ABCA3: variants seen among roughly 807,000 people sequenced by gnomAD.
The protein encoded by ABCA3 is phospholipid-transporting ATPase ABCA3.
In ABCA3, 88 loss-of-function variants were observed where a neutral mutation model predicts 172.8. The observed-to-expected ratio is 0.51, with a 90% CI of 0.43 to 0.61. The LOEUF (loss-of-function observed/expected upper bound fraction) is 0.61, where lower values mean the gene tolerates loss of function less well. Ranked by LOEUF, ABCA3 falls within the 20% of genes least tolerant of loss-of-function variation. The probability of loss-of-function intolerance (pLI) is 0.00; values close to 1 mark genes in which losing one functional copy is unlikely to be tolerated. For missense variants in ABCA3, 2,164 were observed against 2,301.0 expected (o/e 0.94, Z 1.22); for synonymous variants, 1,066 against 983.8 (o/e 1.08, Z -1.56).
Position 2,319,628 on chromosome 16 carries a change from G to A in ABCA3, c.826C>T (p.Leu276Phe). ...TGCACGACAGCACGGGCAATGGTGAGCGCGGTGTAGGTGAAGCTGAGCAGC... is the reference window on the plus strand; with the variant it reads ...TGCACGACAGCACGGGCAATGGTGAACGCGGTGTAGGTGAAGCTGAGCAGC... Reference protein sequence around the residue: ...LLLLSFTYTALTIARAVVQEK... With the variant: ...LLLLSFTYTAFTIARAVVQEK... Residue 276 changes from leucine to phenylalanine, a missense_variant, in exon 8 of 33, where the codon CTC (leucine) becomes TTC (phenylalanine). Physicochemically the swap from Leu to Phe is conservative, Grantham distance 22. Around this residue, in one of 3 missense-constraint regions of ABCA3, gnomAD observed 1,343 missense variants for 1,369.6 expected, o/e 0.98. Coordinates refer to ENST00000301732, the MANE Select transcript of ABCA3 (RefSeq NM_001089.3). 1.9e-6 allele frequency: 3 copies of A among 1,613,552 alleles called. No homozygotes were observed. Among genetic ancestry groups the A allele is most frequent in the Non-Finnish European group, 2.5e-6 (3 of 1,180,028 alleles).
chr16:2,318,033 G>C (rs1213040476), intron 8 of ABCA3, among the ~76,000 whole-genome samples: 1 of 152,222 alleles, frequency 6.6e-6, no homozygotes, highest in Non-Finnish European at 1.5e-5. Flanking sequence ...CACTCCCAGT[G>C]CATGCTCCCC....
intron 1 of ABCA3, chr16:2,339,168 G>C (rs769445731): frequency 1.3e-5 from 2 of 152,296 alleles, no homozygotes; most frequent in Non-Finnish European, 1.5e-5. Flanking sequence ...GGCTGGGGAA[G>C]AAATGGCAAA....
In ABCA3 at chr16:2,308,550, C is replaced by A. The variant is rs1313834914; in HGVS notation, c.1185G>T (p.Arg395=). 2.5e-6 allele frequency: 4 copies of A among 1,614,158 alleles called. No homozygotes were observed. The Admixed American group carries it at 6.7e-5, about 27-fold the overall frequency. Residue 395 remains arginine, a synonymous_variant, in exon 11 of 33, where the codon CGG becomes CGT. Transcript: ENST00000301732. ...TCTGGCTCAGAGTCATCCAGTTGTA[C>A]CGAGGGGCCACGAAGAAGTAGGGGA... ...TYIPYFFVAP[R]YNWMTLSQKL... is the part of the protein sequence containing the mutation.
rs549113736 is a variant in ABCA3, at chr16:2,334,477, T to C, written c.-538-4623A>G. ...CAGTAAATATTTGAAAATGTCTAATTCAATGGATCCTGTGGATGAAATGCC... is the reference window on the plus strand; with the variant it reads ...CAGTAAATATTTGAAAATGTCTAATCCAATGGATCCTGTGGATGAAATGCC... On this transcript the variant is annotated intron_variant, in intron 1 of 32. Coordinates refer to ENST00000301732, the MANE Select transcript of ABCA3 (RefSeq NM_001089.3). 2.0e-5 allele frequency among the ~76,000 whole-genome samples: 3 copies of C among 152,154 alleles called. No individual in the cohort carries two copies. The East Asian group carries it at 5.8e-4, about 29-fold the overall frequency.
Position 2,285,596 on chromosome 16 carries a change from A to G in ABCA3, c.3329T>C (p.Phe1110Ser), listed in dbSNP as rs749012839. ...IALNLLFAMA[F>S]LASTFSILAV... ...CAGGATGGAGAACGTGCTGGCCAAG[A>G]ATGCCATGGCGAAGAGCAGGTTGAG... Residue 1110 changes from phenylalanine to serine, a missense_variant, in exon 23 of 33, where the codon TTC becomes TCC. By Grantham distance (155) the Phe-to-Ser change is radical. Coordinates refer to ENST00000301732, the MANE Select transcript of ABCA3 (RefSeq NM_001089.3). This position sits in a 1 kb window ranked among gnomAD's most constrained non-coding sequence, Gnocchi z 4.7. 5 of 1,560,374 alleles carry G rather than the reference A, an allele frequency of 3.2e-6. No individual in the cohort carries two copies. Among genetic ancestry groups the G allele is most frequent in the Non-Finnish European group, 3.5e-6 (4 of 1,151,700 alleles).
chr16:2,306,257 C>T (rs888859758), intron 11 of ABCA3, among the ~76,000 whole-genome samples: 4 of 151,764 alleles, frequency 2.6e-5, no homozygotes, highest in Admixed American at 1.3e-4. Flanking sequence ...CCTGGGAGGT[C>T]GAGGCTACAG....
chr16:2,307,468 T>A (rs2093699639), intron 11 of ABCA3, among the ~76,000 whole-genome samples: 1 of 151,718 alleles, frequency 6.6e-6, no homozygotes, highest in Non-Finnish European at 1.5e-5. Context: ...GGTGGGAGGA[T>A]CACTTGAACC....
At chr16:2,316,539 G>T (rs9923983) in intron 10 of ABCA3, among the ~76,000 whole-genome samples, 3 of 129,734 alleles carry the variant, frequency 2.3e-5, no homozygotes, top group Non-Finnish European at 4.8e-5. Context: ...TTAGCCAGGC[G>T]TGGTGGCACA....
Position 2,297,646 on chromosome 16 carries a change from T to C in ABCA3, c.2053-107A>G. ...GGGTTCGCGGAGCCGGCTTGAGTCCTCCAAGGATGGTGATGGCCTTGTCTG... is the reference window on the plus strand; with the variant it reads ...GGGTTCGCGGAGCCGGCTTGAGTCCCCCAAGGATGGTGATGGCCTTGTCTG... On this transcript the variant is annotated intron_variant, in intron 16 of 32. Coordinates refer to ENST00000301732, the MANE Select transcript of ABCA3 (RefSeq NM_001089.3). The surrounding 1 kb of genome is among the most constrained non-coding windows in gnomAD (Gnocchi z 5.6). 6.3e-7 allele frequency: 1 copy of C among 1,589,146 alleles called. No individual in the cohort carries two copies. The highest frequency in any genetic ancestry group is 8.5e-7 in the Non-Finnish European group (1 of 1,171,352).
chr16:2,329,403 T>C (rs1355150806), intron 2 of ABCA3, among the ~76,000 whole-genome samples: 3 of 152,148 alleles, frequency 2.0e-5, no homozygotes, highest in South Asian at 2.1e-4. Context: ...ACACTCCAGA[T>C]GGGCGTGGGG....
chr16:2,318,588 C>G (rs1382694305), intron 8 of ABCA3, among the ~76,000 whole-genome samples: 1 of 151,548 alleles, frequency 6.6e-6, no homozygotes, highest in African/African-American at 2.4e-5. Flanking sequence ...TCTTGGCTCA[C>G]TGCAACCTCC....
At chr16:2,311,328 C>G (rs2093706372) in intron 10 of ABCA3, among the ~76,000 whole-genome samples, 1 of 152,116 alleles carries the variant, frequency 6.6e-6, no homozygotes, top group South Asian at 2.1e-4. Flanking sequence ...TGCCTTCCCA[C>G]AGATATATAG....
chr16:2,279,272 A>C lies in ABCA3; in HGVS notation c.4360-142T>G, dbSNP rs1416129207. The stretch of plus-strand genomic sequence containing the variant: ...CAGTGTGTGTACACGGGGGCGCTGG[A>C]GCTATGCACAGGCCGTGGTGGCTGC... On this transcript the variant is annotated intron_variant, in intron 28 of 32. Transcript: ENST00000301732. This position sits in a 1 kb window ranked among gnomAD's most constrained non-coding sequence, Gnocchi z 4.4. 1.0e-6 allele frequency: 1 copy of C among 956,998 alleles called. No individual in the cohort carries two copies. The highest frequency in any genetic ancestry group is 2.1e-5 in the Admixed American group (1 of 48,128). 59.3% of individuals were successfully genotyped at this position (956,998 alleles called of 1,614,324 possible).
intron 12 of ABCA3, among the ~76,000 whole-genome samples, chr16:2,301,397 A>G (rs981733481): frequency 5.3e-5 from 8 of 152,140 alleles, no homozygotes; most frequent in Admixed American, 2.6e-4. Context: ...TACTTGTGGA[A>G]GCAAAGAATG....
chr16:2,314,795 C>T (rs548058397), intron 10 of ABCA3, among the ~76,000 whole-genome samples: 5 of 151,140 alleles, frequency 3.3e-5, no homozygotes, highest in East Asian at 1.9e-4. Flanking sequence ...AGGCTGGTTT[C>T]GAACTCCCGA....
In ABCA3 at chr16:2,328,560, G is replaced by C. The variant is rs754226597; in HGVS notation, c.-134C>G. 1.4e-5 allele frequency: 7 copies of C among 516,132 alleles called. No individual in the cohort carries two copies. The Admixed American group carries it at 1.4e-4, about 10-fold the overall frequency. 32.0% of individuals were successfully genotyped at this position (516,132 alleles called of 1,614,324 possible). Reference sequence around the variant, plus strand: ...GAGTGTAAAGAGGGCGAGGTGTGCAGACGTGGCTGCTCTGTCCTGGAGAGG... The same window carrying C: ...GAGTGTAAAGAGGGCGAGGTGTGCACACGTGGCTGCTCTGTCCTGGAGAGG... On this transcript the variant is annotated 5_prime_UTR_variant, in exon 3 of 33. Transcript: ENST00000301732.
At chr16:2,299,599 T>C (rs1413595756) in intron 13 of ABCA3, 67 bp from the exon 14 acceptor site, 2 of 1,603,678 alleles carry the variant, frequency 1.2e-6, no homozygotes, top group African/African-American at 2.7e-5. Context: ...AGGCCTCTCC[T>C]GCTCCCCTGC....
In ABCA3 at chr16:2,289,504, G is replaced by T. The variant is rs1419072470; in HGVS notation, c.2630C>A (p.Ala877Asp). 1 of 1,590,614 alleles carries T rather than the reference G, an allele frequency of 6.3e-7. No homozygotes were observed. The highest frequency in any genetic ancestry group is 1.1e-5 in the South Asian group (1 of 87,228). Residue 877 changes from alanine (A) to aspartate (D), a missense_variant, in exon 20 of 33, where the codon GCC (alanine) becomes GAC (aspartate). Ala to Asp is a moderately radical substitution (Grantham distance 126). Around this residue, in one of 3 missense-constraint regions of ABCA3, gnomAD observed 1,343 missense variants for 1,369.6 expected, o/e 0.98. Coordinates refer to ENST00000301732, the MANE Select transcript of ABCA3 (RefSeq NM_001089.3). ...TCCAATGCCGTCGGAGGGGTCCATG[G>T]CCCCACAGAGGTTGCTGTCCACAGC... ...DWAVDSNLCG[A>D]MDPSDGIGAL...
At chr16:2,320,864 T>A (rs1300212490) in intron 7 of ABCA3, among the ~76,000 whole-genome samples, 1 of 152,118 alleles carries the variant, frequency 6.6e-6, no homozygotes, top group Non-Finnish European at 1.5e-5. Context: ...TTCTTCCCCC[T>A]CAGGTTCTCT....
Sources: gnomAD v4.1 joint callset for allele counts (sites outside exome capture counted in the v4.1 genomes callset) on GRCh38, gnomAD v4.1.1 for gene constraint, gnomAD v4.1.1 regional missense constraint, Gnocchi (gnomAD v3.1) non-coding constraint, MANE v1.5 for transcripts, NCBI Gene and HGNC (gene_info 2026-07-23, HGNC 2026-07-21) for gene names.